SCARA3: variants seen among roughly 807,000 people sequenced by gnomAD.
SCARA3 encodes the protein cellular stress response gene protein.
In SCARA3, 39 loss-of-function variants were observed where a neutral mutation model predicts 47.0. The ratio of observed to expected loss-of-function variants is 0.83; its 90% confidence interval spans 0.64 to 1.08. SCARA3 has a LOEUF of 1.08. SCARA3 is among the 50% of genes least tolerant of loss of function. SCARA3 has a pLI of 0.00. For synonymous variants in SCARA3, 356 were observed against 334.1 expected, an observed-to-expected ratio of 1.07 and a Z score of -0.71; for missense variants, 724 against 792.3, an observed-to-expected ratio of 0.91 and a Z score of 1.04.
the SCARA3 span, among the ~76,000 whole-genome samples, chr8:27,721,044 C>T: frequency 1.3e-5 from 2 of 152,036 alleles, no homozygotes; most frequent in Non-Finnish European, 2.9e-5. Flanking sequence ...CATTCATGCA[C>T]CTATTATCCA....
chr8:27,684,050 A>G, the SCARA3 span, among the ~76,000 whole-genome samples: 1 of 152,236 alleles, frequency 6.6e-6, no homozygotes, highest in African/African-American at 2.4e-5. Flanking sequence ...TTGTGCAGGG[A>G]AGAGCAAGAG....
the SCARA3 span, among the ~76,000 whole-genome samples, chr8:27,709,177 C>A: frequency 1.3e-5 from 2 of 152,200 alleles, no homozygotes; most frequent in Non-Finnish European, 2.9e-5. Flanking sequence ...ATCAGGCAGG[C>A]GCATTCTCCA....
At chr8:27,662,644 A>T (rs755472455) in intron 5 of SCARA3, among the ~76,000 whole-genome samples, 23 of 152,236 alleles carry the variant, frequency 1.5e-4, no homozygotes, top group Non-Finnish European at 2.9e-4. Flanking sequence ...GATCCAGTGT[A>T]ATCAACCTGC....
chr8:27,714,260 A>T, the SCARA3 span, among the ~76,000 whole-genome samples: 1 of 144,244 alleles, frequency 6.9e-6, no homozygotes, highest in South Asian at 2.2e-4. Flanking sequence ...CAGTGGCGCA[A>T]TCTTAGCTCA....
the SCARA3 span, among the ~76,000 whole-genome samples, chr8:27,689,508 C>T: frequency 6.6e-6 from 1 of 152,314 alleles, no homozygotes; most frequent in East Asian, 1.9e-4. Context: ...CATAACCTCC[C>T]CACAGCACAG....
the SCARA3 span, among the ~76,000 whole-genome samples, chr8:27,706,275 T>C: frequency 1.3e-4 from 20 of 152,174 alleles, no homozygotes; most frequent in African/African-American, 3.9e-4. Context: ...TGCCTCAGCC[T>C]CCCGAGTAGC....
At chr8:27,677,055 C>G (rs1213581728), downstream of SCARA3, among the ~76,000 whole-genome samples, 6 of 152,196 alleles carry the variant, frequency 3.9e-5, no homozygotes, top group Non-Finnish European at 7.3e-5. Context: ...TCACAGGCTT[C>G]CCTTCTTCGA....
At chr8:27,640,966 G>T (rs1801368806) in intron 1 of SCARA3, among the ~76,000 whole-genome samples, 1 of 152,140 alleles carries the variant, frequency 6.6e-6, no homozygotes, top group Non-Finnish European at 1.5e-5. Context: ...CAAAATGCTG[G>T]GATTACAGGC....
chr8:27,671,828 T>C lies in SCARA3; in HGVS notation c.*477T>C. ...ACAAACACATATATACACATGCACA[T>C]ACACAGATTTTTCTGCTGGCCAGGT... On this transcript the variant is annotated 3_prime_UTR_variant, in exon 6 of 6. Coordinates refer to ENST00000301904, the MANE Select transcript of SCARA3 (RefSeq NM_016240.3). The C allele has an allele frequency of 2.0e-6, 2 of 985,918 alleles. No individual in the cohort carries two copies. Among genetic ancestry groups the C allele is most frequent in the South Asian group, 9.4e-5 (2 of 21,284 alleles). The allele number at this position is 985,918 out of a possible 1,614,324, so 61.1% of individuals were successfully genotyped here.
Position 27,659,556 on chromosome 8 carries a change from G to A in SCARA3, c.1369+17G>A, listed in dbSNP as rs200036648. On this transcript the variant is annotated intron_variant, in intron 5 of 5. Transcript: ENST00000301904. ...TCCTACGAGGTAAGAGCTGGGTCCA[G>A]GTAGGGCTGCTACAAAGCTTCCACT... is the stretch of plus-strand genomic sequence containing the variant. 542 of 1,575,084 alleles carry A rather than the reference G, an allele frequency of 3.4e-4. No individual in the cohort carries two copies. The highest frequency in any genetic ancestry group is 4.5e-4 in the Non-Finnish European group (522 of 1,159,414).
In SCARA3 at chr8:27,671,826, C is replaced by T. The variant is rs1802174672; in HGVS notation, c.*475C>T. 14 of 986,320 alleles carry T rather than the reference C, an allele frequency of 1.4e-5. No individual in the cohort carries two copies. The highest frequency in any genetic ancestry group is 1.7e-5 in the Non-Finnish European group (14 of 830,536). The allele number at this position is 986,320 out of a possible 1,614,324, so 61.1% of individuals were successfully genotyped here. A position where few individuals can be genotyped will look rare whatever the true frequency, so the allele number is the denominator to read the frequency against. ...ACACAAACACATATATACACATGCA[C>T]ATACACAGATTTTTCTGCTGGCCAG... is the stretch of plus-strand genomic sequence containing the variant. On this transcript the variant is annotated 3_prime_UTR_variant, in exon 6 of 6. Coordinates refer to ENST00000301904, the MANE Select transcript of SCARA3 (RefSeq NM_016240.3).
the SCARA3 span, among the ~76,000 whole-genome samples, chr8:27,687,117 G>A: frequency 6.6e-6 from 1 of 152,186 alleles, no homozygotes; most frequent in Non-Finnish European, 1.5e-5. Context: ...TTGATTGCAG[G>A]AACAGGCTTT....
At chr8:27,730,846 C>T in the SCARA3 span, among the ~76,000 whole-genome samples, 193 of 152,084 alleles carry the variant, frequency 1.3e-3, 3 homozygotes, top group East Asian at 0.026. Flanking sequence ...GAACTGGAAA[C>T]ACTTTCACCC....
chr8:27,710,058 G>A, the SCARA3 span, among the ~76,000 whole-genome samples: 25 of 152,008 alleles, frequency 1.6e-4, 1 homozygote, highest in Admixed American at 4.6e-4. Flanking sequence ...CTGAAACCGC[G>A]TCTCTACTAC....
chr8:27,670,440 C>T lies in SCARA3; in HGVS notation c.1370-460C>T, dbSNP rs573238806. On this transcript the variant is annotated intron_variant, in intron 5 of 5. Transcript: ENST00000301904. The stretch of plus-strand genomic sequence containing the variant: ...TTTCTCTGGGCTGTCACTGTGCCCA[C>T]TTACTCATACTGGGACACACCTATT... Among the ~76,000 whole-genome samples, 17 of 152,332 alleles carry T rather than the reference C, an allele frequency of 1.1e-4. No individual in the cohort carries two copies. In the South Asian group the frequency reaches 3.5e-3, roughly 32 times the overall value.
At chr8:27,716,895 T>C in the SCARA3 span, among the ~76,000 whole-genome samples, 6 of 152,196 alleles carry the variant, frequency 3.9e-5, no homozygotes, top group Non-Finnish European at 7.3e-5. Context: ...ATCCACATCA[T>C]GTGAAACCTC....
chr8:27,662,140 T>C (rs35324309), intron 5 of SCARA3, among the ~76,000 whole-genome samples: 2,702 of 152,266 alleles, frequency 0.018, 76 homozygotes, highest in African/African-American at 0.061. Context: ...CATAAGGTCA[T>C]AGGAACAGGA....
chr8:27,641,410 A>G (rs1377223563), intron 1 of SCARA3, among the ~76,000 whole-genome samples: 1 of 152,222 alleles, frequency 6.6e-6, no homozygotes, highest in Non-Finnish European at 1.5e-5. Flanking sequence ...TCTTTGGGGA[A>G]TGAGGTGGGC....
intron 1 of SCARA3, among the ~76,000 whole-genome samples, chr8:27,646,860 C>T (rs1801503552): frequency 6.6e-6 from 1 of 151,812 alleles, no homozygotes; most frequent in South Asian, 2.1e-4. Context: ...GACAGCTGCC[C>T]AAGGAGAGCT....
Sources: gnomAD v4.1 joint callset for allele counts (sites outside exome capture counted in the v4.1 genomes callset) on GRCh38, gnomAD v4.1.1 for gene constraint, MANE v1.5 for transcripts, NCBI Gene and HGNC (gene_info 2026-07-23, HGNC 2026-07-21) for gene names.